ELF5: variants seen among roughly 807,000 people sequenced by gnomAD.
The protein encoded by ELF5 is ETS-related transcription factor Elf-5.
Under a neutral mutation model 38.2 loss-of-function variants are expected in ELF5, and 31 were observed. The observed-to-expected ratio is 0.81, with a 90% CI of 0.61 to 1.10. ELF5 has a LOEUF of 1.10. Among genes scored for constraint, ELF5 ranks in the 50% least tolerant of loss-of-function variants. The pLI, the probability that ELF5 is intolerant of heterozygous loss-of-function variation, is 0.00. For missense variants in ELF5, 300 were observed against 306.6 expected (o/e 0.98, Z 0.16); for synonymous variants, 121 against 112.5 (o/e 1.08, Z -0.48).
rs139998390 is a variant in ELF5 at position 34,480,849 on chromosome 11, C to T, written c.594G>A (p.Ser198=). ...GTCCCCACATCTTTGCCAGGGCTTC[C>T]GATTTAACCACCCGAAAAATTCCTT... ...REQGIFRVVK[S]EALAKMWGQR... is the part of the protein sequence containing the mutation. Residue 198 remains serine, a synonymous_variant, in exon 6 of 7, where the codon TCG becomes TCA. Transcript: ENST00000257832. 3.7e-5 allele frequency: 59 copies of T among 1,613,968 alleles called. No homozygotes were observed. Among genetic ancestry groups the T allele is most frequent in the East Asian group, 4.5e-5 (2 of 44,898 alleles).
At chr11:34,484,886 A>G (rs1849945745) in intron 4 of ELF5, among the ~76,000 whole-genome samples, 1 of 152,064 alleles carries the variant, frequency 6.6e-6, no homozygotes, top group Non-Finnish European at 1.5e-5. Flanking sequence ...ACTTCTACCC[A>G]GCGGACCTCT....
Position 34,480,380 on chromosome 11 carries a change from A to ACACTGTCT in ELF5, c.672-74_672-67dup, listed in dbSNP as rs1230191323. 3 of 1,240,292 alleles carry ACACTGTCT rather than the reference A, an allele frequency of 2.4e-6. No individual in the cohort carries two copies. The African/African-American group carries it at 4.4e-5, about 18-fold the overall frequency. The allele number at this position is 1,240,292 out of a possible 1,614,324, so 76.8% of individuals were successfully genotyped here. On this transcript the variant is annotated intron_variant, in intron 6 of 6. Transcript: ENST00000257832. ...ACCCTAGGAAAACAACAGAACACAA[A>ACACTGTCT]CACTGTCTCCTCATTCCTCTCAGGT... is the stretch of plus-strand genomic sequence containing the variant.
chr11:34,499,380 C>T (rs1156541164), intron 2 of ELF5, among the ~76,000 whole-genome samples: 2 of 151,834 alleles, frequency 1.3e-5, no homozygotes, highest in Non-Finnish European at 2.9e-5. Context: ...TAGCTGGGAC[C>T]GCAGTTGTGC....
At chr11:34,509,127 C>T (rs973933722) in intron 1 of ELF5, among the ~76,000 whole-genome samples, 12 of 152,160 alleles carry the variant, frequency 7.9e-5, no homozygotes, top group Admixed American at 6.5e-4. Flanking sequence ...GTCAGGAGTT[C>T]GAGACCAGCC....
intron 5 of ELF5, among the ~76,000 whole-genome samples, chr11:34,481,243 C>T (rs1460035722): frequency 1.3e-5 from 2 of 151,950 alleles, no homozygotes; most frequent in African/African-American, 2.4e-5. Flanking sequence ...AGGCTGGCCT[C>T]GAACTCCTGA....
At chr11:34,508,799 C>G (rs1264122249) in intron 1 of ELF5, among the ~76,000 whole-genome samples, 2 of 152,328 alleles carry the variant, frequency 1.3e-5, no homozygotes, top group East Asian at 3.9e-4. Flanking sequence ...ATTTGTGTAA[C>G]TAGCTCAAGG....
intron 4 of ELF5, among the ~76,000 whole-genome samples, chr11:34,488,967 C>T (rs1185315760): frequency 6.6e-6 from 1 of 152,094 alleles, no homozygotes; most frequent in Non-Finnish European, 1.5e-5. Context: ...TCTACCAGCA[C>T]CAGGAAACAG....
At chr11:34,487,068 C>T (rs2133876338) in intron 4 of ELF5, among the ~76,000 whole-genome samples, 1 of 152,164 alleles carries the variant, frequency 6.6e-6, no homozygotes, top group East Asian at 1.9e-4. Flanking sequence ...GTCTTCATAC[C>T]TCCCCTTGTG....
intron 2 of ELF5, among the ~76,000 whole-genome samples, chr11:34,499,923 TCA>T (rs1267445268): frequency 6.6e-6 from 1 of 152,218 alleles, no homozygotes; most frequent in Non-Finnish European, 1.5e-5. Context: ...TCTCTGGACC[TCA>T]GTTTCCTTCA....
At chr11:34,507,326 C>G (rs1483539326) in intron 1 of ELF5, among the ~76,000 whole-genome samples, 1 of 152,240 alleles carries the variant, frequency 6.6e-6, no homozygotes, top group Non-Finnish European at 1.5e-5. Context: ...TCTTCCTGGT[C>G]TGCTCAGAAC....
At chr11:34,487,965 G>A (rs573576331) in intron 4 of ELF5, among the ~76,000 whole-genome samples, 1 of 152,046 alleles carries the variant, frequency 6.6e-6, no homozygotes, top group African/African-American at 2.4e-5. Flanking sequence ...GTTCCACCTC[G>A]TGACCTCCGC....
In ELF5 at chr11:34,505,709, G is replaced by C. The variant is rs756122174; in HGVS notation, c.41C>G (p.Ala14Gly). 1.9e-6 allele frequency: 3 copies of C among 1,614,132 alleles called. No individual in the cohort carries two copies. The highest frequency in any genetic ancestry group is 2.5e-6 in the Non-Finnish European group (3 of 1,179,996). ...CGACATCAGGGGATCGCAGAAGGAT[G>C]CATTAGGCAGGAAGGTGCTGTGTGT... The part of the protein sequence containing the change: ...SVTHSTFLPN[A>G]SFCDPLMSWT... The change falls in exon 2 of 7, where the codon GCA becomes GGA. Residue 14 changes from alanine to glycine, a missense_variant. By Grantham distance (60) the Ala-to-Gly change is moderately conservative (BLOSUM62 0). Coordinates refer to ENST00000257832, the MANE Select transcript of ELF5 (RefSeq NM_001422.4).
In ELF5 at chr11:34,489,989, G is replaced by A; in HGVS notation, c.406+20C>T. 6.2e-7 allele frequency: 1 copy of A among 1,613,722 alleles called. No individual in the cohort carries two copies. The highest frequency in any genetic ancestry group is 8.5e-7 in the Non-Finnish European group (1 of 1,179,710). Reference sequence around the variant, plus strand: ...GACAACCTTGACAGAGCCTTGGGTGGCTTGCGCTTGGTTACTTACAGTCTT... The same window carrying A: ...GACAACCTTGACAGAGCCTTGGGTGACTTGCGCTTGGTTACTTACAGTCTT... On this transcript the variant is annotated intron_variant, in intron 4 of 6. Coordinates refer to ENST00000257832, the MANE Select transcript of ELF5 (RefSeq NM_001422.4).
chr11:34,489,312 G>C (rs1375278753), intron 4 of ELF5, among the ~76,000 whole-genome samples: 2 of 152,104 alleles, frequency 1.3e-5, no homozygotes, highest in African/African-American at 4.8e-5. Flanking sequence ...GCCCTCAGAG[G>C]CCTTGGAAAT....
At position 34,493,540 on chromosome 11, in the gene ELF5, G is replaced by A. The variant is rs763152821; in HGVS notation, c.294C>T (p.Val98=). 8.7e-6 allele frequency: 14 copies of A among 1,614,204 alleles called. No individual in the cohort carries two copies. Among genetic ancestry groups the A allele is most frequent in the South Asian group, 3.3e-5 (3 of 91,078 alleles). Residue 98 remains valine, a synonymous_variant, in exon 3 of 7, where the codon GTC becomes GTT. Transcript: ENST00000257832. ...ACTCGCCGCAGAGGCCAGCTGCCTC[G>A]ACGAACTCCTCCTGTGTCATGCTGC... ...QLCSMTQEEF[V]EAAGLCGEYL...
At chr11:34,500,224 G>C (rs1258532641) in intron 2 of ELF5, among the ~76,000 whole-genome samples, 1 of 152,202 alleles carries the variant, frequency 6.6e-6, no homozygotes. Context: ...ACCATAATTA[G>C]CATGATTTAC....
At chr11:34,497,536 C>T (rs1196550683) in intron 2 of ELF5, among the ~76,000 whole-genome samples, 2 of 152,178 alleles carry the variant, frequency 1.3e-5, no homozygotes, top group African/African-American at 4.8e-5. Context: ...CATTTAAATT[C>T]AGAAGGAGGA....
Position 34,479,762 on chromosome 11 carries a change from A to AT in ELF5, c.*455dup, listed in dbSNP as rs1164185322. 1.3e-5 allele frequency: 2 copies of AT among 155,028 alleles called. No individual in the cohort carries two copies. The highest frequency in any genetic ancestry group is 4.8e-5 in the African/African-American group (2 of 41,446). The allele number at this position is 155,028 out of a possible 1,614,324, so 9.6% of individuals were successfully genotyped here. A position where few individuals can be genotyped will look rare whatever the true frequency, so the allele number is the denominator to read the frequency against. The stretch of plus-strand genomic sequence containing the variant: ...TTAAAATCTAAAGTATGTATGTCTT[A>AT]TATCTCACCCTCTCCTACCATAACC... On this transcript the variant is annotated 3_prime_UTR_variant, in exon 7 of 7. Transcript: ENST00000257832.
chr11:34,497,165 C>A (rs951240079), intron 2 of ELF5, among the ~76,000 whole-genome samples: 4 of 152,166 alleles, frequency 2.6e-5, no homozygotes, highest in Non-Finnish European at 5.9e-5. Flanking sequence ...TCAGGGCAAT[C>A]AAATAAGGGG....
Sources: allele counts gnomAD v4.1 joint callset (sites outside exome capture counted in the v4.1 genomes callset), GRCh38; gene constraint gnomAD v4.1.1; transcripts MANE v1.5; gene names NCBI Gene and HGNC (gene_info 2026-07-23, HGNC 2026-07-21).